LRRC55: variants seen among roughly 807,000 people sequenced by gnomAD.
The protein encoded by LRRC55 is leucine rich repeat containing 55.
LRRC55 carries 11 observed loss-of-function variants against 20.5 expected under a neutral mutation model. That is an observed-to-expected ratio of 0.54 (90% CI 0.34 to 0.89). The LOEUF (loss-of-function observed/expected upper bound fraction) is 0.89. Among genes scored for constraint, LRRC55 ranks in the 40% least tolerant of loss-of-function variants. The pLI is 0.02. For missense variants in LRRC55, 358 were observed against 390.9 expected (o/e 0.92, Z 0.71); for synonymous variants, 188 against 166.6 (o/e 1.13, Z -0.99).
Position 57,187,358 on chromosome 11 carries a change from C to T in LRRC55, c.775C>T (p.Leu259=). 3 of 1,614,200 alleles carry T rather than the reference C, an allele frequency of 1.9e-6. No individual in the cohort carries two copies. The highest frequency in any genetic ancestry group is 2.7e-5 in the African/African-American group (2 of 75,054). ...CCTGACCCTGACCCTGGATGATTAC[C>T]TATTCATTGCGTTCGTGGGCTTCGT... is the stretch of plus-strand genomic sequence containing the variant. ...CHLTLTLDDY[L]FIAFVGFVVS... Residue 259 remains leucine (L), a synonymous_variant, in exon 2 of 2, where the codon CTA becomes TTA. Coordinates refer to ENST00000497933, the MANE Select transcript of LRRC55 (RefSeq NM_001005210.4).
rs1430539946 is a variant in LRRC55 at position 57,190,696 on chromosome 11, G to C, written c.*3216G>C. Reference sequence around the variant, plus strand: ...GACATAGTCCACTCAGCCATAGGCTGAGTGGCTAAATATGCATAAATAAGC... The same window carrying C: ...GACATAGTCCACTCAGCCATAGGCTCAGTGGCTAAATATGCATAAATAAGC... On this transcript the variant is annotated 3_prime_UTR_variant, in exon 2 of 2. Transcript: ENST00000497933. 1.3e-5 allele frequency: 2 copies of C among 152,198 alleles called. No homozygotes were observed. The highest frequency in any genetic ancestry group is 2.9e-5 in the Non-Finnish European group (2 of 68,030). The allele number at this position is 152,198 out of a possible 1,614,324, so 9.4% of individuals were successfully genotyped here.
In LRRC55 at chr11:57,181,963, G is replaced by T; in HGVS notation, c.-60G>T. ...CTGCCTTCCTGTGTCACAGACTCTCGATTCCATGGACACAGTCCTCATGGG... is the reference window on the plus strand; with the variant it reads ...CTGCCTTCCTGTGTCACAGACTCTCTATTCCATGGACACAGTCCTCATGGG... On this transcript the variant is annotated 5_prime_UTR_variant, in exon 1 of 2. Transcript: ENST00000497933. 6.2e-7 allele frequency: 1 copy of T among 1,613,930 alleles called. No homozygotes were observed. The highest frequency in any genetic ancestry group is 8.5e-7 in the Non-Finnish European group (1 of 1,179,910).
chr11:57,184,004 G>A (rs555388995), intron 1 of LRRC55, among the ~76,000 whole-genome samples: 71 of 152,344 alleles, frequency 4.7e-4, no homozygotes, highest in Non-Finnish European at 8.7e-4. Context: ...CCCATGTTGA[G>A]AAGAAGCAAT....
rs528674312 is a variant in LRRC55, at chr11:57,187,651, G to A, written c.*171G>A. On this transcript the variant is annotated 3_prime_UTR_variant, in exon 2 of 2. Coordinates refer to ENST00000497933, the MANE Select transcript of LRRC55 (RefSeq NM_001005210.4). ...GCATCTGCTTTGGGCCAGGCGGCAC[G>A]CTAGGAATTGGGAACATCAGATGAA... is the stretch of plus-strand genomic sequence containing the variant. 7.5e-5 allele frequency: 51 copies of A among 677,970 alleles called. No homozygotes were observed. Among genetic ancestry groups the A allele is most frequent in the African/African-American group, 5.6e-4 (31 of 55,268 alleles). 42.0% of individuals were successfully genotyped at this position (677,970 alleles called of 1,614,324 possible).
At position 57,187,538 on chromosome 11, in the gene LRRC55, G is replaced by A. The variant is rs555722144; in HGVS notation, c.*58G>A. On this transcript the variant is annotated 3_prime_UTR_variant, in exon 2 of 2. Transcript: ENST00000497933. ...CCGCCACAGCTGCTGGCCACCAGAC[G>A]CCCTCCCTGACTGCTCACTCTGGTT... 14 of 1,493,766 alleles carry A rather than the reference G, an allele frequency of 9.4e-6. No homozygotes were observed. In the African/African-American group the frequency reaches 9.6e-5, roughly 10 times the overall value. The allele number at this position is 1,493,766 out of a possible 1,614,324, so 92.5% of individuals were successfully genotyped here.
rs779951239 is a variant in LRRC55, at chr11:57,182,120, A to G, written c.98A>G (p.Asp33Gly). 1.9e-6 allele frequency: 3 copies of G among 1,614,136 alleles called. No homozygotes were observed. The Admixed American group carries it at 5.0e-5, about 27-fold the overall frequency. The change falls in exon 1 of 2, where the codon GAT becomes GGT. Residue 33 changes from aspartate to glycine, a missense_variant. By Grantham distance (94) the Asp-to-Gly change is moderately conservative. Coordinates refer to ENST00000497933, the MANE Select transcript of LRRC55 (RefSeq NM_001005210.4). ...LLLAAGLMHS[D>G]AGTSCPVLCT... The stretch of plus-strand genomic sequence containing the variant: ...TTGGCAGCCGGGTTGATGCACTCGG[A>G]TGCCGGCACCAGCTGCCCCGTCCTT...
rs199949333 is a variant in LRRC55 at position 57,182,731 on chromosome 11, A to G, written c.661+48A>G. The stretch of plus-strand genomic sequence containing the variant: ...CAGTCAACAGGGAGGGCTTGCCTCA[A>G]TGGGAAGCAAAGGCTCCAAAGAAAG... On this transcript the variant is annotated intron_variant, in intron 1 of 1. Transcript: ENST00000497933. 3.2e-4 allele frequency: 452 copies of G among 1,413,434 alleles called. No homozygotes were observed. The African/African-American group carries it at 4.7e-3, about 15-fold the overall frequency. 87.6% of individuals were successfully genotyped at this position (1,413,434 alleles called of 1,614,324 possible).
rs373084736 is a variant in LRRC55 at position 57,187,368 on chromosome 11, C to T, written c.785C>T (p.Ala262Val). The change falls in exon 2 of 2, where the codon GCG becomes GTG. Residue 262 changes from alanine (A) to valine (V), a missense_variant. Ala to Val is a moderately conservative substitution (Grantham distance 64). This residue lies in a region of LRRC55 where 178 missense variants were observed against 207.9 expected (regional missense o/e 0.86). Coordinates refer to ENST00000497933, the MANE Select transcript of LRRC55 (RefSeq NM_001005210.4). ...TLTLDDYLFI[A>V]FVGFVVSIAS... ...ACCCTGGATGATTACCTATTCATTG[C>T]GTTCGTGGGCTTCGTGGTCTCCATT... 6.9e-5 allele frequency: 112 copies of T among 1,614,062 alleles called. No homozygotes were observed. Among genetic ancestry groups the T allele is most frequent in the Admixed American group, 1.5e-4 (9 of 60,004 alleles).
chr11:57,189,054 A>T lies in LRRC55; in HGVS notation c.*1574A>T, dbSNP rs1292292924. ...AATTATCATCATCGTGGTCTTCTTC[A>T]TCAGTTTCGTCAGCAGCATCATTAT... On this transcript the variant is annotated 3_prime_UTR_variant, in exon 2 of 2. Coordinates refer to ENST00000497933, the MANE Select transcript of LRRC55 (RefSeq NM_001005210.4). 6.6e-6 allele frequency: 1 copy of T among 151,110 alleles called. No homozygotes were observed. The highest frequency in any genetic ancestry group is 1.5e-5 in the Non-Finnish European group (1 of 67,588). The allele number at this position is 151,110 out of a possible 1,614,324, so 9.4% of individuals were successfully genotyped here. A position where few individuals can be genotyped will look rare whatever the true frequency, so the allele number is the denominator to read the frequency against.
chr11:57,182,172 T>C lies in LRRC55; in HGVS notation c.150T>C (p.Asp50=), dbSNP rs779999952. 8.7e-6 allele frequency: 14 copies of C among 1,614,036 alleles called. No individual in the cohort carries two copies. In the African/African-American group the frequency reaches 1.3e-4, roughly 15 times the overall value. The change falls in exon 1 of 2, where the codon GAT becomes GAC. Residue 50 remains aspartate (D), a synonymous_variant. Transcript: ENST00000497933. ...VLCTCRNQVV[D]CSSQRLFSVP... ...GCACATGCCGTAACCAGGTGGTGGA[T>C]TGTAGCAGCCAGCGGCTATTCTCCG... is the stretch of plus-strand genomic sequence containing the variant.
At position 57,188,291 on chromosome 11, in the gene LRRC55, A is replaced by C. The variant is rs1854461899; in HGVS notation, c.*811A>C. On this transcript the variant is annotated 3_prime_UTR_variant, in exon 2 of 2. Transcript: ENST00000497933. The stretch of plus-strand genomic sequence containing the variant: ...CAGGAGGCCCAGCAACTGGGGCAGC[A>C]AGAGTCCTGGCACCTTGGGATCCTA... 6.5e-6 allele frequency: 1 copy of C among 152,714 alleles called. No homozygotes were observed. Among genetic ancestry groups the C allele is most frequent in the South Asian group, 2.1e-4 (1 of 4,832 alleles). The allele number at this position is 152,714 out of a possible 1,614,324, so 9.5% of individuals were successfully genotyped here. A position where few individuals can be genotyped will look rare whatever the true frequency, so the allele number is the denominator to read the frequency against.
chr11:57,186,736 G>A (rs1005266737), intron 1 of LRRC55, among the ~76,000 whole-genome samples: 1 of 152,166 alleles, frequency 6.6e-6, no homozygotes, highest in Non-Finnish European at 1.5e-5. Context: ...TGGAAGAGAT[G>A]GGAAAGAATC....
At chr11:57,186,832 G>A (rs1565180589) in intron 1 of LRRC55, among the ~76,000 whole-genome samples, 1 of 152,228 alleles carries the variant, frequency 6.6e-6, no homozygotes, top group Non-Finnish European at 1.5e-5. Flanking sequence ...AGGTGTGGCA[G>A]GACATCAGGT....
chr11:57,184,700 G>A (rs1412048336), intron 1 of LRRC55, among the ~76,000 whole-genome samples: 1 of 152,186 alleles, frequency 6.6e-6, no homozygotes, highest in African/African-American at 2.4e-5. Context: ...TGAACAAAGA[G>A]GGCCATAATA....
At chr11:57,186,289 G>C (rs1410570815) in intron 1 of LRRC55, among the ~76,000 whole-genome samples, 1 of 152,204 alleles carries the variant, frequency 6.6e-6, no homozygotes, top group Non-Finnish European at 1.5e-5. Context: ...GAGTTGGACA[G>C]ACTCTTATAT....
intron 1 of LRRC55, among the ~76,000 whole-genome samples, chr11:57,184,774 C>T (rs1272376164): frequency 6.6e-6 from 1 of 152,200 alleles, no homozygotes; most frequent in African/African-American, 2.4e-5. Flanking sequence ...GGGGTTTTGT[C>T]AGCCTCCACG....
chr11:57,184,015 G>T (rs1854397597), intron 1 of LRRC55, among the ~76,000 whole-genome samples: 1 of 152,234 alleles, frequency 6.6e-6, no homozygotes, highest in South Asian at 2.1e-4. Flanking sequence ...AAGAAGCAAT[G>T]CTGAATGTGG....
In LRRC55 at chr11:57,182,206, G is replaced by A; in HGVS notation, c.184G>A (p.Asp62Asn). The A allele has an allele frequency of 6.2e-7, 1 of 1,614,150 alleles. No individual in the cohort carries two copies. The highest frequency in any genetic ancestry group is 8.5e-7 in the Non-Finnish European group (1 of 1,180,028). The change falls in exon 1 of 2, where the codon GAC (aspartate) becomes AAC (asparagine). Residue 62 changes from aspartate to asparagine, a missense_variant. By Grantham distance (23) the Asp-to-Asn change is conservative (BLOSUM62 1). Around this residue, in one of 3 missense-constraint regions of LRRC55, gnomAD observed 175 missense variants for 164.5 expected, o/e 1.06. Coordinates refer to ENST00000497933, the MANE Select transcript of LRRC55 (RefSeq NM_001005210.4). ...CCAGCGGCTATTCTCCGTGCCCCCAGACCTGCCAATGGACACCCGAAACCT... is the reference window on the plus strand; with the variant it reads ...CCAGCGGCTATTCTCCGTGCCCCCAAACCTGCCAATGGACACCCGAAACCT... ...SSQRLFSVPP[D>N]LPMDTRNLSL...
rs558551227 is a variant in LRRC55 at position 57,185,800 on chromosome 11, C to G, written c.662-1445C>G. 6.6e-5 allele frequency among the ~76,000 whole-genome samples: 10 copies of G among 152,040 alleles called. No homozygotes were observed. In the South Asian group the frequency reaches 2.1e-3, roughly 32 times the overall value. On this transcript the variant is annotated intron_variant, in intron 1 of 1. Transcript: ENST00000497933. ...CTTCCCAGGCAGAGTGAGATAAGAC[C>G]GTTGACAGCCATCATGCATTCATAA...
Sources: allele counts gnomAD v4.1 joint callset (sites outside exome capture counted in the v4.1 genomes callset), GRCh38; gene constraint gnomAD v4.1.1; regional missense constraint gnomAD v4.1.1; transcripts MANE v1.5; gene names NCBI Gene and HGNC (gene_info 2026-07-23, HGNC 2026-07-21).